The following ABCG2 variants were observed in gnomAD, a reference collection of about 807,000 sequenced individuals.
ABCG2 encodes the protein broad substrate specificity ATP-binding cassette transporter ABCG2.
Under a neutral mutation model 73.5 loss-of-function variants are expected in ABCG2, and 80 were observed. That is an observed-to-expected ratio of 1.09 (90% confidence interval 0.91 to 1.31). The LOEUF (loss-of-function observed/expected upper bound fraction) is 1.31, where lower values mean the gene tolerates loss of function less well. ABCG2 is among the 50% of genes most tolerant of loss of function. ABCG2 has a pLI of 0.00. For synonymous variants in ABCG2, 269 were observed against 282.4 expected (o/e 0.95, Z 0.48); for missense variants, 796 against 786.2 (o/e 1.01, Z -0.15).
intron 7 of ABCG2, among the ~76,000 whole-genome samples, chr4:88,115,284 A>ATATATATATATATATATATT (rs58774529): frequency 2.7e-5 from 2 of 73,140 alleles, no homozygotes; most frequent in Non-Finnish European, 5.2e-5. Flanking sequence ...ATATATATAT[A>ATATATATATATATATATATT]ATTTATTTAT....
At chr4:88,101,422 A>T in intron 10 of ABCG2, 103 bp from the exon 11 acceptor site, 1 of 1,075,888 alleles carries the variant, frequency 9.3e-7, no homozygotes, top group African/African-American at 1.6e-5. Flanking sequence ...TATAAAGTTA[A>T]GCAGGAAAAA....
intron 1 of ABCG2, among the ~76,000 whole-genome samples, chr4:88,213,662 C>A (rs777611974): frequency 1.3e-5 from 2 of 151,704 alleles, no homozygotes; most frequent in African/African-American, 2.4e-5. Context: ...ATTTGTTTCC[C>A]CACAGTATAA....
At chr4:88,211,411 T>C (rs904735639) in intron 1 of ABCG2, among the ~76,000 whole-genome samples, 36 of 132,254 alleles carry the variant, frequency 2.7e-4, no homozygotes, top group African/African-American at 1.0e-3. Context: ...TCCATCATCA[T>C]GTTTTCGTTT....
chr4:88,181,761 G>A (rs1347041766), intron 1 of ABCG2, among the ~76,000 whole-genome samples: 4 of 151,946 alleles, frequency 2.6e-5, no homozygotes, highest in African/African-American at 4.8e-5. Flanking sequence ...AAGCCTCATA[G>A]TAACCTCAGA....
chr4:88,128,021 A>G (rs1724557000), intron 5 of ABCG2, among the ~76,000 whole-genome samples: 1 of 152,148 alleles, frequency 6.6e-6, no homozygotes, highest in African/African-American at 2.4e-5. Context: ...AAATTTTGCA[A>G]TCTATCTGAC....
At chr4:88,221,136 G>A (rs1022476135) in intron 1 of ABCG2, among the ~76,000 whole-genome samples, 4 of 152,150 alleles carry the variant, frequency 2.6e-5, no homozygotes, top group African/African-American at 9.7e-5. Flanking sequence ...AGGTGTGTTA[G>A]TGTGGACCTG....
intron 1 of ABCG2, among the ~76,000 whole-genome samples, chr4:88,186,638 G>A (rs988346776): frequency 2.6e-5 from 4 of 151,890 alleles, no homozygotes; most frequent in Admixed American, 2.0e-4. Context: ...TTAGCCGGGC[G>A]GCCGGGCGCG....
At chr4:88,217,217 A>G (rs760612866) in intron 1 of ABCG2, among the ~76,000 whole-genome samples, 1 of 152,100 alleles carries the variant, frequency 6.6e-6, no homozygotes, top group African/African-American at 2.4e-5. Flanking sequence ...ATATACCTAG[A>G]TCTTACAGAG....
At chr4:88,192,515 G>C (rs1010143215) in intron 1 of ABCG2, among the ~76,000 whole-genome samples, 14 of 151,858 alleles carry the variant, frequency 9.2e-5, no homozygotes, top group African/African-American at 2.9e-4. Flanking sequence ...CACCTTCCAG[G>C]TTCAAGTGAT....
chr4:88,165,873 C>CAA (rs34377206), intron 1 of ABCG2, among the ~76,000 whole-genome samples: 2 of 138,174 alleles, frequency 1.4e-5, no homozygotes, highest in African/African-American at 5.3e-5. Flanking sequence ...GACTCCATCT[C>CAA]AAAAAAAAAA....
Position 88,132,609 on chromosome 4 carries a change from G to A in ABCG2, c.230C>T (p.Ala77Val). The A allele has an allele frequency of 6.2e-7, 1 of 1,614,114 alleles. No individual in the cohort carries two copies. The highest frequency in any genetic ancestry group is 8.5e-7 in the Non-Finnish European group (1 of 1,180,002). Reference protein sequence around the residue: ...INGIMKPGLNAILGPTGGGKS... With the variant: ...INGIMKPGLNVILGPTGGGKS... ...GCCTCCACCTGTGGGTCCCAGGATG[G>A]CGTTGAGACCAGGTTTCATGATCCC... Residue 77 changes from alanine to valine, a missense_variant, in exon 3 of 16, where the codon GCC becomes GTC. Ala to Val is a moderately conservative substitution (Grantham distance 64). Transcript: ENST00000237612.
intron 1 of ABCG2, among the ~76,000 whole-genome samples, chr4:88,218,739 A>G (rs965975909): frequency 6.6e-6 from 1 of 152,218 alleles, no homozygotes; most frequent in Admixed American, 6.5e-5. Flanking sequence ...ATAGTCTCCA[A>G]TCCCAATAAA....
At chr4:88,123,804 A>T (rs1487630421) in intron 5 of ABCG2, among the ~76,000 whole-genome samples, 1 of 152,188 alleles carries the variant, frequency 6.6e-6, no homozygotes, top group South Asian at 2.1e-4. Flanking sequence ...CTAATTCAGG[A>T]AATAAAGAGA....
At chr4:88,103,874 A>C (rs2622611) in intron 10 of ABCG2, among the ~76,000 whole-genome samples, 126,444 of 152,228 alleles carry the variant, frequency 0.83, 54,682 homozygotes, top group Non-Finnish European at 0.97. Context: ...TTCTCCAATT[A>C]CATCCATGTT....
At chr4:88,174,938 T>C (rs918502797) in intron 1 of ABCG2, among the ~76,000 whole-genome samples, 1 of 152,242 alleles carries the variant, frequency 6.6e-6, no homozygotes, top group African/African-American at 2.4e-5. Context: ...GTTTCAGTTT[T>C]CTGCATATGG....
At chr4:88,130,917 A>C in intron 5 of ABCG2, 144 bp downstream of exon 5, 1 of 940,164 alleles carries the variant, frequency 1.1e-6, no homozygotes, top group Non-Finnish European at 1.6e-6. Flanking sequence ...CATATTATGT[A>C]ACAAGCCACT....
In ABCG2 at chr4:88,131,125, T is replaced by G. The variant is rs760787947; in HGVS notation, c.467A>C (p.Glu156Ala). Residue 156 changes from glutamate to alanine, a missense_variant, in exon 5 of 16, where the codon GAA becomes GCA. Transcript: ENST00000237612. The stretch of plus-strand genomic sequence containing the variant: ...GACCCTGTTAATCCGTTCGTTTTTT[T>G]CATGATTCGTCATAGTTGTTGCAAG... ...LRLATTMTNH[E>A]KNERINRVIQ... The G allele has an allele frequency of 3.1e-6, 5 of 1,614,092 alleles. No homozygotes were observed. The highest frequency in any genetic ancestry group is 2.5e-6 in the Non-Finnish European group (3 of 1,180,018).
At chr4:88,167,370 C>CTTTT (rs551648302) in intron 1 of ABCG2, among the ~76,000 whole-genome samples, 10 of 101,462 alleles carry the variant, frequency 9.9e-5, no homozygotes, top group East Asian at 2.7e-4. Context: ...TCCCTTCTGC[C>CTTTT]TTTTTTTTTT....
chr4:88,183,811 TAAC>T (rs1307365063), intron 1 of ABCG2, among the ~76,000 whole-genome samples: 1 of 151,810 alleles, frequency 6.6e-6, no homozygotes, highest in African/African-American at 2.4e-5. Context: ...AAAAAATCCT[TAAC>T]AAAATACTAG....
Sources: gnomAD v4.1 joint callset for allele counts (sites outside exome capture counted in the v4.1 genomes callset) on GRCh38, gnomAD v4.1.1 for gene constraint, MANE v1.5 for transcripts, NCBI Gene and HGNC (gene_info 2026-07-23, HGNC 2026-07-21) for gene names.